Variants in CKB observed in about 807,000 individuals in gnomAD.
CKB encodes creatine kinase B-type.
A neutral mutation model predicts 36.9 loss-of-function variants in CKB; 15 were observed. The ratio of observed to expected loss-of-function variants is 0.41; its 90% confidence interval spans 0.27 to 0.63. The LOEUF (loss-of-function observed/expected upper bound fraction) is 0.63. Ranked by LOEUF, CKB falls within the 20% of genes least tolerant of loss-of-function variation. The probability of loss-of-function intolerance (pLI) is 0.34; values close to 1 mark genes in which losing one functional copy is unlikely to be tolerated. For missense variants in CKB, 413 were observed against 534.9 expected (o/e 0.77, Z 2.25); for synonymous variants, 250 against 228.2 (o/e 1.10, Z -0.86).
Position 103,522,494 on chromosome 14 carries a change from G to A in CKB, c.-1C>T. On this transcript the variant is annotated 5_prime_UTR_variant, in exon 2 of 8. Coordinates refer to ENST00000348956, the MANE Select transcript of CKB (RefSeq NM_001823.5). This position sits in a 1 kb window ranked among gnomAD's most constrained non-coding sequence, Gnocchi z 6.7. ...CGTTGTGGCTGTTGGAGAAGGGCAT[G>A]GCGGCGGCGGGCTGCGGGGAGACGC... 1.3e-6 allele frequency: 2 copies of A among 1,595,566 alleles called. No homozygotes were observed. Among genetic ancestry groups the A allele is most frequent in the South Asian group, 2.2e-5 (2 of 90,094 alleles).
In CKB at chr14:103,522,130, ACTC is replaced by A; in HGVS notation, c.238_240del (p.Glu80del). The A allele has an allele frequency of 6.3e-7, 1 of 1,598,314 alleles. No homozygotes were observed. The highest frequency in any genetic ancestry group is 8.5e-7 in the Non-Finnish European group (1 of 1,173,706). ...AAGAGATCCTTGAACACTTCGTAGG[ACTC>A]CTCGTCGCCCGCCACGCAGCCCACG... On this transcript the variant is annotated inframe_deletion, in exon 3 of 8. Transcript: ENST00000348956. This position sits in a 1 kb window ranked among gnomAD's most constrained non-coding sequence, Gnocchi z 6.7.
Position 103,521,775 on chromosome 14 carries a change from G to T in CKB, c.481+43C>A, listed in dbSNP as rs939507835. 10 of 1,349,822 alleles carry T rather than the reference G, an allele frequency of 7.4e-6. No homozygotes were observed. In the Admixed American group the frequency reaches 2.8e-4, roughly 38 times the overall value. The allele number at this position is 1,349,822 out of a possible 1,614,324, so 83.6% of individuals were successfully genotyped here. A position where few individuals can be genotyped will look rare whatever the true frequency, so the allele number is the denominator to read the frequency against. On this transcript the variant is annotated intron_variant, in intron 4 of 7. Transcript: ENST00000348956. ...AAGCGGGCGGGGACCGCGCCGGGAGGGGGACGCGGCCGCCGCCGCCCCTCG... is the reference window on the plus strand; with the variant it reads ...AAGCGGGCGGGGACCGCGCCGGGAGTGGGACGCGGCCGCCGCCGCCCCTCG...
intron 5 of CKB, 183 bp from the exon 6 acceptor site, chr14:103,520,775 AC>A (rs2075894555): frequency 1.2e-6 from 1 of 824,648 alleles, no homozygotes; most frequent in Non-Finnish European, 1.8e-6. Context: ...CAGCAGGAGA[AC>A]CCCAGCTGCC....
intron 4 of CKB, 92 bp from the exon 5 acceptor site, chr14:103,521,526 G>A (rs2075901148): frequency 1.6e-6 from 2 of 1,220,646 alleles, no homozygotes; most frequent in Non-Finnish European, 2.1e-6. Flanking sequence ...CACCTCGGGG[G>A]ACGTCAGAGG....
At chr14:103,521,194 G>A (rs2075897743) in intron 5 of CKB, 69 bp downstream of exon 5, 1 of 1,511,496 alleles carries the variant, frequency 6.6e-7, no homozygotes, top group Non-Finnish European at 8.8e-7. Context: ...CCCCCGCGAG[G>A]GGGGCGAGAG....
Position 103,522,022 on chromosome 14 carries a change from C to A in CKB, c.348+1G>T, listed in dbSNP as rs1166186880. Reference sequence around the variant, plus strand: ...CGCCCGGCCCGCCCGCAGCCCCGCACCTGCAGGTTGTCGGGGTTGAGGTCG... The same window carrying A: ...CGCCCGGCCCGCCCGCAGCCCCGCAACTGCAGGTTGTCGGGGTTGAGGTCG... On this transcript the variant is annotated splice_donor_variant, in intron 3 of 7. Transcript: ENST00000348956. LOFTEE classifies it high-confidence loss of function. The surrounding 1 kb of genome is among the most constrained non-coding windows in gnomAD (Gnocchi z 6.7). The A allele has an allele frequency of 6.5e-7, 1 of 1,549,166 alleles. No individual in the cohort carries two copies. Among genetic ancestry groups the A allele is most frequent in the Non-Finnish European group, 8.7e-7 (1 of 1,147,036 alleles).
intron 5 of CKB, 195 bp downstream of exon 5, chr14:103,521,068 C>A (rs1380090922): frequency 4.0e-6 from 3 of 747,310 alleles, no homozygotes; most frequent in Non-Finnish European, 7.0e-6. Context: ...AGTCCCTTAA[C>A]GCACCTGCTC....
chr14:103,521,738 C>A (rs921783870), intron 4 of CKB, 80 bp downstream of exon 4: 3 of 1,294,130 alleles, frequency 2.3e-6, no homozygotes, highest in African/African-American at 1.6e-5. Context: ...CGCTCCCGGG[C>A]GACGTAAACA....
chr14:103,520,426 C>G, intron 6 of CKB, 43 bp downstream of exon 6: 1 of 1,590,576 alleles, frequency 6.3e-7, no homozygotes, highest in Admixed American at 1.8e-5. Context: ...CACCCACATC[C>G]CTGCTGGGGC....
In CKB at chr14:103,519,984, C is replaced by T. The variant is rs1455831027; in HGVS notation, c.1026G>A (p.Leu342=). 3 of 1,611,146 alleles carry T rather than the reference C, an allele frequency of 1.9e-6. No homozygotes were observed. Among genetic ancestry groups the T allele is most frequent in the Admixed American group, 3.3e-5 (2 of 60,020 alleles). The change falls in exon 8 of 8, where the codon CTG becomes CTA. Residue 342 remains leucine, a synonymous_variant. Transcript: ENST00000348956. Reference sequence around the variant, plus strand: ...GCACCAGCTCCACCTCTGAGAAGCCCAGGCGGTCAGCGTTGGAGACGTCGA... The same window carrying T: ...GCACCAGCTCCACCTCTGAGAAGCCTAGGCGGTCAGCGTTGGAGACGTCGA... ...GVFDVSNADR[L]GFSEVELVQM... is the part of the protein sequence containing the mutation.
At chr14:103,520,076 G>C in intron 7 of CKB, 34 bp from the exon 8 acceptor site, 1 of 1,606,438 alleles carries the variant, frequency 6.2e-7, no homozygotes, top group Non-Finnish European at 8.5e-7. Flanking sequence ...GGAGGAAACA[G>C]GGCTGCCCAA....
chr14:103,521,661 T>C, intron 4 of CKB, 157 bp downstream of exon 4: 4 of 1,033,458 alleles, frequency 3.9e-6, no homozygotes, highest in Middle Eastern at 3.4e-4. Context: ...GGGCTGGGCC[T>C]CCGTCCCTCG....
Position 103,522,405 on chromosome 14 carries a change from A to ATG in CKB, c.87_88dup (p.Met30ThrfsTer6). 1 of 1,609,902 alleles carries ATG rather than the reference A, an allele frequency of 6.2e-7. No individual in the cohort carries two copies. The highest frequency in any genetic ancestry group is 8.5e-7 in the Non-Finnish European group (1 of 1,178,682). ...CAGCTCGGGGGTCAGCACCTTGGCC[A>ATG]TGTGGTTGTTGTGGGCGCTCAGGTC... On this transcript the variant is annotated frameshift_variant, in exon 2 of 8. Coordinates refer to ENST00000348956, the MANE Select transcript of CKB (RefSeq NM_001823.5). LOFTEE classifies it high-confidence loss of function. The surrounding 1 kb of genome is among the most constrained non-coding windows in gnomAD (Gnocchi z 6.7).
rs368610740 is a variant in CKB, at chr14:103,521,239, G to A, written c.653+24C>T. ...AGGTAGCGGGGAGGGAGGACGCCGCGAGAGGGCGCAGAGGGACACGCACCA... is the reference window on the plus strand; with the variant it reads ...AGGTAGCGGGGAGGGAGGACGCCGCAAGAGGGCGCAGAGGGACACGCACCA... On this transcript the variant is annotated intron_variant, in intron 5 of 7. Transcript: ENST00000348956. The A allele has an allele frequency of 2.1e-3, 3,235 of 1,565,152 alleles. 4 individuals are homozygous for A. The highest frequency in any genetic ancestry group is 2.5e-3 in the Non-Finnish European group (2,954 of 1,160,024).
At position 103,521,965 on chromosome 14, in the gene CKB, G is replaced by C. The variant is rs758344566; in HGVS notation, c.349-15C>G. 2 of 1,563,614 alleles carry C rather than the reference G, an allele frequency of 1.3e-6. No homozygotes were observed. The highest frequency in any genetic ancestry group is 2.3e-5 in the East Asian group (1 of 43,066). On this transcript the variant is annotated splice_polypyrimidine_tract_variant and intron_variant, in intron 3 of 7. Coordinates refer to ENST00000348956, the MANE Select transcript of CKB (RefSeq NM_001823.5). Reference sequence around the variant, plus strand: ...TCGTCGCCGCCCTGGGAGGCGAGACGGGAGTGAGCGCCCGAAGACCCCGGC... The same window carrying C: ...TCGTCGCCGCCCTGGGAGGCGAGACCGGAGTGAGCGCCCGAAGACCCCGGC...
chr14:103,521,344 T>C lies in CKB; in HGVS notation c.572A>G (p.His191Arg). 1.2e-6 allele frequency: 2 copies of C among 1,609,862 alleles called. No individual in the cohort carries two copies. The highest frequency in any genetic ancestry group is 1.7e-6 in the Non-Finnish European group (2 of 1,179,374). ...CGACACGGGCTTGTCGAAGAGGAAGTGGTCGTCGATGAGCTGCTGCTGCTC... is the reference window on the plus strand; with the variant it reads ...CGACACGGGCTTGTCGAAGAGGAAGCGGTCGTCGATGAGCTGCTGCTGCTC... ...EAEQQQLIDD[H>R]FLFDKPVSPL... The change falls in exon 5 of 8, where the codon CAC (histidine) becomes CGC (arginine). Residue 191 changes from histidine to arginine, a missense_variant. Coordinates refer to ENST00000348956, the MANE Select transcript of CKB (RefSeq NM_001823.5).
Position 103,521,262 on chromosome 14 carries a change from C to T in CKB, c.653+1G>A. On this transcript the variant is annotated splice_donor_variant, in intron 5 of 7. Coordinates refer to ENST00000348956, the MANE Select transcript of CKB (RefSeq NM_001823.5). LOFTEE classifies it high-confidence loss of function. ...GCGAGAGGGCGCAGAGGGACACGCA[C>T]CAGATACCGCGGGCGTCGGGCCAGT... 2 of 1,589,602 alleles carry T rather than the reference C, an allele frequency of 1.3e-6. No individual in the cohort carries two copies. The highest frequency in any genetic ancestry group is 2.3e-5 in the East Asian group (1 of 44,142).
chr14:103,521,294 C>A lies in CKB; in HGVS notation c.622G>T (p.Ala208Ser). The change falls in exon 5 of 8, where the codon GCC becomes TCC. Residue 208 changes from alanine to serine, a missense_variant. Physicochemically the swap from Ala to Ser is moderately conservative, Grantham distance 99. Coordinates refer to ENST00000348956, the MANE Select transcript of CKB (RefSeq NM_001823.5). Reference sequence around the variant, plus strand: ...CCGCGGGCGTCGGGCCAGTCGCGGGCCATGCCCGAGGCCAGCAGCAGGGGC... The same window carrying A: ...CCGCGGGCGTCGGGCCAGTCGCGGGACATGCCCGAGGCCAGCAGCAGGGGC... ...VSPLLLASGM[A>S]RDWPDARGIW... The A allele has an allele frequency of 6.2e-7, 1 of 1,603,502 alleles. No individual in the cohort carries two copies.
Position 103,519,744 on chromosome 14 carries a change from G to T in CKB, c.*120C>A. 1 of 1,135,318 alleles carries T rather than the reference G, an allele frequency of 8.8e-7. No homozygotes were observed. 70.3% of individuals were successfully genotyped at this position (1,135,318 alleles called of 1,614,324 possible). ...AAAAATAAACTCTACCAAGGGTGAC[G>T]GAAGTCTCTACAGCAAGGCTAAGGG... On this transcript the variant is annotated 3_prime_UTR_variant, in exon 8 of 8. Coordinates refer to ENST00000348956, the MANE Select transcript of CKB (RefSeq NM_001823.5).
Sources: gnomAD v4.1 joint callset for allele counts on GRCh38, gnomAD v4.1.1 for gene constraint, Gnocchi (gnomAD v3.1) non-coding constraint, MANE v1.5 for transcripts, NCBI Gene and HGNC (gene_info 2026-07-23, HGNC 2026-07-21) for gene names.